The following LVRN variants were observed in gnomAD, a reference collection of about 807,000 sequenced individuals.
LVRN encodes the protein laeverin.
A neutral mutation model predicts 111.4 loss-of-function variants in LVRN; 99 were observed. The observed-to-expected ratio is 0.89, with a 90% CI of 0.76 to 1.05. LVRN has a LOEUF of 1.05. LVRN is among the 50% of genes least tolerant of loss of function. LVRN has a pLI of 0.00. For synonymous variants in LVRN, 488 were observed against 449.5 expected (o/e 1.09, Z -1.08); for missense variants, 1,414 against 1,206.8 (o/e 1.17, Z -2.54).
intron 1 of LVRN, among the ~76,000 whole-genome samples, chr5:115,972,732 G>GT (rs937623095): frequency 2.6e-5 from 4 of 151,532 alleles, no homozygotes; most frequent in African/African-American, 9.7e-5. Context: ...TTCCTATAAG[G>GT]TTTTTTTTGG....
chr5:116,003,602 G>A (rs1748289573), intron 12 of LVRN, among the ~76,000 whole-genome samples: 2 of 132,402 alleles, frequency 1.5e-5, no homozygotes, highest in Non-Finnish European at 3.1e-5. Flanking sequence ...TTTTTTTTGA[G>A]ACGGAGTCTT....
chr5:115,971,947 C>G (rs1272400017), intron 1 of LVRN, among the ~76,000 whole-genome samples: 1 of 83,824 alleles, frequency 1.2e-5, no homozygotes. Flanking sequence ...AGCTTCTAAC[C>G]CATAAACATG....
At chr5:115,978,445 C>T (rs1271739076) in intron 1 of LVRN, among the ~76,000 whole-genome samples, 2 of 152,154 alleles carry the variant, frequency 1.3e-5, no homozygotes, top group Admixed American at 6.6e-5. Context: ...TGTCCTTTTA[C>T]AGTGGGAAAT....
intron 17 of LVRN, 33 bp downstream of exon 17, chr5:116,015,452 G>A (rs897279237): frequency 2.0e-6 from 3 of 1,532,154 alleles, no homozygotes; most frequent in Non-Finnish European, 2.6e-6. Context: ...GAAAGTTTCT[G>A]TTATAGGAAT....
intron 19 of LVRN, 47 bp downstream of exon 19, chr5:116,022,513 C>T: frequency 7.7e-7 from 1 of 1,296,718 alleles, no homozygotes; most frequent in Non-Finnish European, 1.1e-6. Flanking sequence ...TTGGAAACCA[C>T]TTTTTATGCA....
At chr5:116,011,144 G>A (rs1327083110) in intron 14 of LVRN, among the ~76,000 whole-genome samples, 3 of 151,388 alleles carry the variant, frequency 2.0e-5, no homozygotes, top group East Asian at 1.9e-4. Context: ...TTGGTGAAGT[G>A]ACAGTATGTC....
At chr5:116,013,499 C>T (rs781185492) in intron 15 of LVRN, among the ~76,000 whole-genome samples, 3 of 152,150 alleles carry the variant, frequency 2.0e-5, no homozygotes, top group African/African-American at 7.2e-5. Flanking sequence ...GGGAGTTAGA[C>T]TGCACTTCCA....
At chr5:116,006,167 GC>G in intron 13 of LVRN, among the ~76,000 whole-genome samples, 200 bp downstream of exon 13, 1 of 152,206 alleles carries the variant, frequency 6.6e-6, no homozygotes, top group African/African-American at 2.4e-5. Context: ...CTAAGATGTG[GC>G]AGTGATTTCT....
chr5:115,962,976 T>C lies in LVRN; in HGVS notation c.359T>C (p.Leu120Pro), dbSNP rs1391808827. 6.2e-7 allele frequency: 1 copy of C among 1,613,384 alleles called. No individual in the cohort carries two copies. ...TGGCCGCAGCTGAGGCCCGACGAGCTTCCGGCCGGGTCTTTGCCCTTCACT... is the reference window on the plus strand; with the variant it reads ...TGGCCGCAGCTGAGGCCCGACGAGCCTCCGGCCGGGTCTTTGCCCTTCACT... ...ELWPQLRPDE[L>P]PAGSLPFTGR... The change falls in exon 1 of 20, where the codon CTT becomes CCT. Residue 120 changes from leucine (L) to proline (P), a missense_variant. Coordinates refer to ENST00000357872, the MANE Select transcript of LVRN (RefSeq NM_173800.5).
At chr5:115,993,071 T>C (rs868567077) in intron 5 of LVRN, among the ~76,000 whole-genome samples, 23 of 152,336 alleles carry the variant, frequency 1.5e-4, no homozygotes, top group African/African-American at 5.5e-4. Flanking sequence ...AGTTACACAT[T>C]GTTTTGCAAT....
Position 115,983,225 on chromosome 5 carries a change from G to GT in LVRN, c.696-55dup, listed in dbSNP as rs939707449. ...AACTTACAAGCCATCATCTCTCAAT[G>GT]TTTTTTTATTCCACTGGGTTGAAAT... On this transcript the variant is annotated intron_variant, in intron 1 of 19. Coordinates refer to ENST00000357872, the MANE Select transcript of LVRN (RefSeq NM_173800.5). 8 of 1,460,326 alleles carry GT rather than the reference G, an allele frequency of 5.5e-6. No individual in the cohort carries two copies. The African/African-American group carries it at 8.6e-5, about 16-fold the overall frequency. 90.5% of individuals were successfully genotyped at this position (1,460,326 alleles called of 1,614,324 possible).
At chr5:115,977,694 G>A (rs1381439223) in intron 1 of LVRN, among the ~76,000 whole-genome samples, 5 of 152,158 alleles carry the variant, frequency 3.3e-5, no homozygotes, top group Non-Finnish European at 5.9e-5. Context: ...CTGGAGCCCT[G>A]ATTCTGGTAC....
rs544559930 is a variant in LVRN at position 115,989,909 on chromosome 5, C to CAACAA, written c.1105+1987_1105+1991dup. The stretch of plus-strand genomic sequence containing the variant: ...CTTTAACTCTTTGCTGAGTCACAAA[C>CAACAA]AACAAAACAAAACAAAACAAATGCC... On this transcript the variant is annotated intron_variant, in intron 4 of 19. Transcript: ENST00000357872. Among the ~76,000 whole-genome samples the CAACAA allele has an allele frequency of 1.6e-3, 238 of 152,176 alleles. 1 individual carries two copies. Among genetic ancestry groups the CAACAA allele is most frequent in the African/African-American group, 5.3e-3 (222 of 41,534 alleles).
chr5:116,016,920 G>C (rs967096418), intron 18 of LVRN, among the ~76,000 whole-genome samples: 3 of 152,132 alleles, frequency 2.0e-5, no homozygotes, highest in African/African-American at 7.2e-5. Flanking sequence ...TAGAGTAATA[G>C]ATGTATTTGA....
intron 12 of LVRN, among the ~76,000 whole-genome samples, chr5:116,003,693 T>C (rs1417483702): frequency 2.0e-5 from 3 of 151,752 alleles, no homozygotes; most frequent in African/African-American, 7.2e-5. Flanking sequence ...GCCATTCTCC[T>C]GCCTCAGCCT....
intron 1 of LVRN, among the ~76,000 whole-genome samples, chr5:115,981,509 G>C (rs896671913): frequency 2.0e-5 from 3 of 151,998 alleles, no homozygotes; most frequent in Admixed American, 2.0e-4. Context: ...CTTTGATATA[G>C]GCATGGAATG....
intron 1 of LVRN, among the ~76,000 whole-genome samples, chr5:115,966,677 T>C (rs1753210031): frequency 6.6e-6 from 1 of 152,222 alleles, no homozygotes; most frequent in Non-Finnish European, 1.5e-5. Flanking sequence ...ACAAGTGTCA[T>C]TGCTGCGTCA....
rs553013271 is a variant in LVRN, at chr5:116,026,533, T to A, written c.*415T>A. On this transcript the variant is annotated 3_prime_UTR_variant, in exon 20 of 20. Coordinates refer to ENST00000357872, the MANE Select transcript of LVRN (RefSeq NM_173800.5). ...GCCCTAGGGTTTATTTAGTTCAACATTGAAGATTGAAAAGACTAATGAGAA... is the reference window on the plus strand; with the variant it reads ...GCCCTAGGGTTTATTTAGTTCAACAATGAAGATTGAAAAGACTAATGAGAA... 4.5e-6 allele frequency: 1 copy of A among 220,054 alleles called. No individual in the cohort carries two copies. The allele number at this position is 220,054 out of a possible 1,614,324, so 13.6% of individuals were successfully genotyped here. A position where few individuals can be genotyped will look rare whatever the true frequency, so the allele number is the denominator to read the frequency against.
chr5:115,999,651 C>T, intron 6 of LVRN, 111 bp from the exon 7 acceptor site: 2 of 1,189,574 alleles, frequency 1.7e-6, no homozygotes, highest in Non-Finnish European at 1.2e-6. Context: ...TTCTCAATTA[C>T]TGAATTTTCT....
Sources: gnomAD v4.1 joint callset for allele counts (sites outside exome capture counted in the v4.1 genomes callset) on GRCh38, gnomAD v4.1.1 for gene constraint, MANE v1.5 for transcripts, NCBI Gene and HGNC (gene_info 2026-07-23, HGNC 2026-07-21) for gene names.